Variants in VPS13B observed in about 807,000 individuals in gnomAD.
VPS13B encodes vacuolar protein sorting 13 homolog B.
In VPS13B, 285 loss-of-function variants were observed where a neutral mutation model predicts 426.4. That is an observed-to-expected ratio of 0.67 (90% CI 0.61 to 0.74). VPS13B has a LOEUF of 0.74. Among genes scored for constraint, VPS13B ranks in the 30% least tolerant of loss-of-function variants. VPS13B has a pLI of 0.00. For synonymous variants in VPS13B, 1,676 were observed against 1,676.4 expected, an observed-to-expected ratio of 1.00 and a Z score of 0.01; for missense variants, 4,537 against 4,782.6, an observed-to-expected ratio of 0.95 and a Z score of 1.51.
intron 19 of VPS13B, among the ~76,000 whole-genome samples, chr8:99,301,335 G>A (rs1032542010): frequency 8.1e-5 from 12 of 147,516 alleles, no homozygotes; most frequent in South Asian, 2.1e-4. Flanking sequence ...CTCTTGTTGC[G>A]TAGGCTACAG....
rs73703004 is a variant in VPS13B, at chr8:99,716,828, T to C, written c.6455-343T>C. Among the ~76,000 whole-genome samples the C allele has an allele frequency of 3.4e-3, 513 of 152,310 alleles. 2 individuals carry two copies. Among genetic ancestry groups the C allele is most frequent in the African/African-American group, 0.012 (479 of 41,566 alleles). Reference sequence around the variant, plus strand: ...AGAAAATTACCCTTTCCCATCATGTTAACAATAGACAAATGAAGCAGCTGT... The same window carrying C: ...AGAAAATTACCCTTTCCCATCATGTCAACAATAGACAAATGAAGCAGCTGT... On this transcript the variant is annotated intron_variant, in intron 36 of 61. Transcript: ENST00000357162.
intron 43 of VPS13B, among the ~76,000 whole-genome samples, chr8:99,795,414 T>C (rs1477870095): frequency 6.6e-6 from 1 of 152,192 alleles, no homozygotes; most frequent in Non-Finnish European, 1.5e-5. Flanking sequence ...AACAGCCTTC[T>C]CAAGTTCTTC....
chr8:99,477,186 C>T lies in VPS13B; in HGVS notation c.3667-4413C>T, dbSNP rs191219878. On this transcript the variant is annotated intron_variant, in intron 24 of 61. Transcript: ENST00000357162. ...TCATGGTCAAAGATACCTATATATT[C>T]CTTTTTATTTTCTGGGTATCCTGTC... Among the ~76,000 whole-genome samples, 1,123 of 152,212 alleles carry T rather than the reference C, an allele frequency of 7.4e-3. 15 individuals carry two copies. Among genetic ancestry groups the T allele is most frequent in the African/African-American group, 0.026 (1,063 of 41,548 alleles).
Position 99,121,402 on chromosome 8 carries a change from T to C in VPS13B, c.1163T>C (p.Val388Ala). Reference sequence around the variant, plus strand: ...GCACAGACTTTGAAGGATCCTATTGTTTCTATAGGATTTTATTGCACAAAG... The same window carrying C: ...GCACAGACTTTGAAGGATCCTATTGCTTCTATAGGATTTTATTGCACAAAG... ...QKAQTLKDPI[V>A]SIGFYCTKAT... The change falls in exon 8 of 62, where the codon GTT becomes GCT. Residue 388 changes from valine (V) to alanine (A), a missense_variant. Val to Ala is a moderately conservative substitution (Grantham distance 64). This residue lies in a region of VPS13B where 4,311 missense variants were observed against 4,474.3 expected (regional missense o/e 0.96). Transcript: ENST00000357162. 1 of 1,614,198 alleles carries C rather than the reference T, an allele frequency of 6.2e-7. No individual in the cohort carries two copies.
At chr8:99,703,266 C>T (rs1832358656) in intron 36 of VPS13B, among the ~76,000 whole-genome samples, 1 of 151,996 alleles carries the variant, frequency 6.6e-6, no homozygotes, top group African/African-American at 2.4e-5. Flanking sequence ...TTCTTCTTAG[C>T]CTCCTATGTT....
chr8:99,784,522 A>T (rs929192371), intron 43 of VPS13B, 46 bp downstream of exon 43: 12 of 1,610,068 alleles, frequency 7.5e-6, no homozygotes, highest in Non-Finnish European at 1.0e-5. Context: ...AAGGTTGGGG[A>T]TTCATTTCTT....
intron 34 of VPS13B, among the ~76,000 whole-genome samples, chr8:99,659,213 A>G (rs1830132132): frequency 1.3e-5 from 2 of 152,092 alleles, no homozygotes; most frequent in African/African-American, 4.8e-5. Flanking sequence ...AGTATATTTT[A>G]ATGTTTGTAT....
chr8:99,511,287 T>C lies in VPS13B; in HGVS notation c.4408T>C (p.Ser1470Pro). The C allele has an allele frequency of 1.2e-6, 2 of 1,614,080 alleles. No homozygotes were observed. Among genetic ancestry groups the C allele is most frequent in the Non-Finnish European group, 1.7e-6 (2 of 1,180,000 alleles). The change falls in exon 29 of 62, where the codon TCA becomes CCA. Residue 1470 changes from serine to proline, a missense_variant. Physicochemically the swap from Ser to Pro is moderately conservative, Grantham distance 74. This residue lies in a region of VPS13B where 4,311 missense variants were observed against 4,474.3 expected (regional missense o/e 0.96). Coordinates refer to ENST00000357162, the MANE Select transcript of VPS13B (RefSeq NM_152564.5). ...SPHFLHEILL[S>P]AQAFDIVLYF... ...TCATTTTCTTCATGAAATTCTTCTT[T>C]CAGCACAAGCTTTTGATATTGTTCT... is the stretch of plus-strand genomic sequence containing the variant.
chr8:99,785,314 A>T (rs761601180), intron 43 of VPS13B, among the ~76,000 whole-genome samples: 1 of 152,140 alleles, frequency 6.6e-6, no homozygotes, highest in Non-Finnish European at 1.5e-5. Flanking sequence ...ATTAGAGAAC[A>T]AGTTTTCCCA....
chr8:99,720,407 C>G lies in VPS13B; in HGVS notation c.6720C>G (p.Tyr2240Ter). 1 of 1,613,842 alleles carries G rather than the reference C, an allele frequency of 6.2e-7. No individual in the cohort carries two copies. The highest frequency in any genetic ancestry group is 8.5e-7 in the Non-Finnish European group (1 of 1,179,906). The stretch of plus-strand genomic sequence containing the variant: ...TTCTACATGAATTACTCAATGGATA[C>G]CTTAATGAGGAGGGAAATTTTGAAG... ...LVLLHELLNG[Y>*]LNEEGNFEVQ... Residue 2240 changes from tyrosine to a stop codon, truncating the protein, a stop_gained, in exon 38 of 62, where the codon TAC becomes TAG. Coordinates refer to ENST00000357162, the MANE Select transcript of VPS13B (RefSeq NM_152564.5). LOFTEE classifies it high-confidence loss of function.
intron 41 of VPS13B, 75 bp from the exon 42 acceptor site, chr8:99,778,607 T>C: frequency 7.7e-7 from 1 of 1,297,798 alleles, no homozygotes; most frequent in South Asian, 1.2e-5. Flanking sequence ...ATAGTTTGAA[T>C]GTCATTTCAC....
At chr8:99,824,701 T>C (rs1814573282) in intron 51 of VPS13B, among the ~76,000 whole-genome samples, 1 of 152,024 alleles carries the variant, frequency 6.6e-6, no homozygotes, top group Non-Finnish European at 1.5e-5. Flanking sequence ...CAACCCGTCA[T>C]CTACATTAGG....
intron 25 of VPS13B, among the ~76,000 whole-genome samples, chr8:99,483,647 G>A (rs1820156562): frequency 6.6e-6 from 1 of 152,152 alleles, no homozygotes; most frequent in Admixed American, 6.6e-5. Context: ...CATTTTAGTG[G>A]CTGAAAGGAG....
chr8:99,170,283 T>A (rs1403145948), intron 16 of VPS13B, 120 bp downstream of exon 16: 2 of 1,261,118 alleles, frequency 1.6e-6, no homozygotes, highest in South Asian at 1.3e-5. Context: ...AGAAAAAAAA[T>A]CTAAACTTGT....
intron 14 of VPS13B, among the ~76,000 whole-genome samples, chr8:99,155,839 T>C (rs1301779842): frequency 6.6e-6 from 1 of 152,198 alleles, no homozygotes; most frequent in African/African-American, 2.4e-5. Flanking sequence ...TGGGAAGTCA[T>C]GGCATTCCTC....
chr8:99,441,150 A>G (rs548970092), intron 22 of VPS13B, among the ~76,000 whole-genome samples: 155 of 152,178 alleles, frequency 1.0e-3, no homozygotes, highest in Non-Finnish European at 1.9e-3. Context: ...TCACAAACCA[A>G]TGCGTTTATT....
intron 33 of VPS13B, among the ~76,000 whole-genome samples, chr8:99,617,128 A>G (rs199991242): frequency 1.4e-4 from 22 of 152,340 alleles, no homozygotes; most frequent in East Asian, 9.6e-4. Context: ...TTGAAAAGTC[A>G]TAAGATTTGA....
chr8:99,550,416 A>G (rs1824219296), intron 30 of VPS13B, among the ~76,000 whole-genome samples: 1 of 150,876 alleles, frequency 6.6e-6, no homozygotes, highest in African/African-American at 2.4e-5. Flanking sequence ...TTTTTTTCAC[A>G]GTAAGCCGTA....
intron 3 of VPS13B, among the ~76,000 whole-genome samples, chr8:99,076,789 C>A (rs1225854294): frequency 6.6e-6 from 1 of 151,742 alleles, no homozygotes; most frequent in African/African-American, 2.4e-5. Flanking sequence ...ACAGTTTGGT[C>A]TTTTTCTTTT....
Sources: gnomAD v4.1 joint callset for allele counts (sites outside exome capture counted in the v4.1 genomes callset) on GRCh38, gnomAD v4.1.1 for gene constraint, gnomAD v4.1.1 regional missense constraint, MANE v1.5 for transcripts, NCBI Gene and HGNC (gene_info 2026-07-23, HGNC 2026-07-21) for gene names.